The following SDCCAG8 variants were observed in gnomAD, a reference collection of about 807,000 sequenced individuals.
SDCCAG8 encodes the protein serologically defined colon cancer antigen 8.
In SDCCAG8, 74 loss-of-function variants were observed where a neutral mutation model predicts 101.8. The observed-to-expected ratio is 0.73, with a 90% CI of 0.60 to 0.88. SDCCAG8 has a LOEUF of 0.88. SDCCAG8 is among the 40% of genes least tolerant of loss of function. The pLI is 0.00. For synonymous variants in SDCCAG8, 281 were observed against 292.9 expected (o/e 0.96, Z 0.41); for missense variants, 787 against 822.6 (o/e 0.96, Z 0.53).
At chr1:243,451,789 C>T (rs562946597) in intron 16 of SDCCAG8, among the ~76,000 whole-genome samples, 1 of 152,228 alleles carries the variant, frequency 6.6e-6, no homozygotes, top group South Asian at 2.1e-4. Context: ...ACCAGCCAGG[C>T]TTGGTGGTGC....
intron 12 of SDCCAG8, among the ~76,000 whole-genome samples, chr1:243,357,215 T>C (rs1342163217): frequency 1.3e-5 from 2 of 151,778 alleles, no homozygotes; most frequent in Non-Finnish European, 2.9e-5. Flanking sequence ...CCATCTCTAC[T>C]AAAAATACAC....
chr1:243,382,573 A>G (rs888744199), intron 13 of SDCCAG8, among the ~76,000 whole-genome samples: 2 of 152,178 alleles, frequency 1.3e-5, no homozygotes, highest in Non-Finnish European at 2.9e-5. Context: ...AATATCTACT[A>G]TCTGTCCCTT....
intron 6 of SDCCAG8, among the ~76,000 whole-genome samples, chr1:243,296,568 A>T (rs1165956422): frequency 4.6e-5 from 3 of 64,592 alleles, no homozygotes; most frequent in African/African-American, 1.7e-4. Flanking sequence ...TTTGAGACGG[A>T]GTCTCGTTCT....
At chr1:243,403,289 C>A (rs1270716630) in intron 13 of SDCCAG8, among the ~76,000 whole-genome samples, 1 of 152,164 alleles carries the variant, frequency 6.6e-6, no homozygotes, top group East Asian at 1.9e-4. Flanking sequence ...CCAATGCTAC[C>A]TCCCCCTGTG....
chr1:243,461,560 A>G (rs1395178230), intron 16 of SDCCAG8, among the ~76,000 whole-genome samples: 1 of 152,154 alleles, frequency 6.6e-6, no homozygotes, highest in Middle Eastern at 3.2e-3. Flanking sequence ...TCATCTTCAA[A>G]AAATTTGCAC....
intron 12 of SDCCAG8, among the ~76,000 whole-genome samples, chr1:243,362,582 T>C (rs946026952): frequency 1.3e-5 from 2 of 152,258 alleles, no homozygotes; most frequent in African/African-American, 4.8e-5. Context: ...AACCTCATAG[T>C]ACAATGCATG....
chr1:243,485,628 A>G (rs73120356), intron 16 of SDCCAG8, among the ~76,000 whole-genome samples: 2,352 of 152,224 alleles, frequency 0.015, 52 homozygotes, highest in African/African-American at 0.054. Context: ...AATCTCAGCC[A>G]GGCGCGGTGG....
chr1:243,482,610 G>C (rs1338219102), intron 16 of SDCCAG8, among the ~76,000 whole-genome samples: 4 of 152,144 alleles, frequency 2.6e-5, no homozygotes, highest in African/African-American at 4.8e-5. Context: ...AGATTAGGAC[G>C]GCCGCACCAG....
chr1:243,367,641 T>A (rs2077057895), intron 12 of SDCCAG8, among the ~76,000 whole-genome samples: 1 of 151,816 alleles, frequency 6.6e-6, no homozygotes. Context: ...TCCCAGTTTC[T>A]TCCTGGTACT....
chr1:243,399,004 A>G (rs1206382953), intron 13 of SDCCAG8, among the ~76,000 whole-genome samples: 1 of 152,228 alleles, frequency 6.6e-6, no homozygotes, highest in Non-Finnish European at 1.5e-5. Context: ...ATCCTTTTCC[A>G]CAAGTATCCT....
chr1:243,341,187 T>G lies in SDCCAG8; in HGVS notation c.1356+14T>G. 1.2e-6 allele frequency: 2 copies of G among 1,613,446 alleles called. No homozygotes were observed. Among genetic ancestry groups the G allele is most frequent in the Non-Finnish European group, 8.5e-7 (1 of 1,179,544 alleles). ...GATGTCACAAAGGTACAGAAAGAGA[T>G]TTTAGTGTAATCGTTACTTAAGGAA... On this transcript the variant is annotated intron_variant, in intron 11 of 17. Coordinates refer to ENST00000366541, the MANE Select transcript of SDCCAG8 (RefSeq NM_006642.5).
chr1:243,281,773 T>C (rs2069076546), intron 4 of SDCCAG8, among the ~76,000 whole-genome samples: 1 of 151,188 alleles, frequency 6.6e-6, no homozygotes, highest in African/African-American at 2.4e-5. Context: ...CCCTGCTGAG[T>C]AGCTAGGACT....
intron 4 of SDCCAG8, among the ~76,000 whole-genome samples, chr1:243,284,475 CCTATGACTAGATCTAAGT>C (rs1257560218): frequency 6.6e-6 from 1 of 152,156 alleles, no homozygotes; most frequent in African/African-American, 2.4e-5. Flanking sequence ...GTTCAATAGT[CCTATGACTAGATCTAAGT>C]CTTTTAGTAA....
chr1:243,281,195 A>T (rs900718266), intron 4 of SDCCAG8, among the ~76,000 whole-genome samples: 7 of 150,492 alleles, frequency 4.7e-5, no homozygotes, highest in African/African-American at 7.3e-5. Context: ...TGCTACTCCA[A>T]CTTTCTATTG....
chr1:243,264,666 A>G (rs2067449220), intron 1 of SDCCAG8, among the ~76,000 whole-genome samples: 1 of 152,178 alleles, frequency 6.6e-6, no homozygotes, highest in South Asian at 2.1e-4. Flanking sequence ...ATTAGCTAGC[A>G]GCCATTAGCT....
rs184102795 is a variant in SDCCAG8, at chr1:243,470,455, G to A, written c.1986-18559G>A. On this transcript the variant is annotated intron_variant, in intron 16 of 17. Transcript: ENST00000366541. ...CAAATGGCCAGATTTCAGTCATTAG[G>A]AGAGTAGAATTTTTTTTTCCTTTTC... Among the ~76,000 whole-genome samples the A allele has an allele frequency of 6.5e-3, 983 of 152,016 alleles. 8 individuals carry two copies. The highest frequency in any genetic ancestry group is 0.016 in the South Asian group (76 of 4,810).
intron 1 of SDCCAG8, among the ~76,000 whole-genome samples, chr1:243,256,685 A>G (rs1469133820): frequency 6.6e-6 from 1 of 152,224 alleles, no homozygotes; most frequent in Non-Finnish European, 1.5e-5. Context: ...CCCCCTTTTA[A>G]TTGATTTAGG....
intron 13 of SDCCAG8, among the ~76,000 whole-genome samples, chr1:243,379,547 TAC>T (rs1273971637): frequency 1.3e-5 from 2 of 151,946 alleles, no homozygotes; most frequent in African/African-American, 2.4e-5. Flanking sequence ...GAAAAAAACA[TAC>T]ACACACATAC....
intron 13 of SDCCAG8, among the ~76,000 whole-genome samples, chr1:243,407,891 C>G (rs980372382): frequency 6.6e-6 from 1 of 152,124 alleles, no homozygotes; most frequent in Non-Finnish European, 1.5e-5. Flanking sequence ...GAATCTCATT[C>G]CTGTGTTTTC....
Sources: gnomAD v4.1 joint callset for allele counts (sites outside exome capture counted in the v4.1 genomes callset) on GRCh38, gnomAD v4.1.1 for gene constraint, MANE v1.5 for transcripts, NCBI Gene and HGNC (gene_info 2026-07-23, HGNC 2026-07-21) for gene names.